CWC27: variants seen among roughly 807,000 people sequenced by gnomAD.
CWC27 encodes the protein CWC27 spliceosome associated cyclophilin.
CWC27 carries 47 observed loss-of-function variants against 63.6 expected under a neutral mutation model. The observed-to-expected ratio is 0.74, with a 90% confidence interval of 0.58 to 0.94. The LOEUF is 0.94. Ranked by LOEUF, CWC27 falls within the 40% of genes least tolerant of loss-of-function variation. The probability of loss-of-function intolerance (pLI) is 0.00; values close to 1 mark genes in which losing one functional copy is unlikely to be tolerated. For synonymous variants in CWC27, 175 were observed against 179.8 expected, an observed-to-expected ratio of 0.97 and a Z score of 0.22; for missense variants, 495 against 554.3, an observed-to-expected ratio of 0.89 and a Z score of 1.07.
intron 11 of CWC27, among the ~76,000 whole-genome samples, chr5:64,970,966 T>G (rs1261613780): frequency 7.6e-6 from 1 of 131,390 alleles, no homozygotes; most frequent in Non-Finnish European, 1.7e-5. Flanking sequence ...GGAGTGTGTG[T>G]GTGTGTGTGT....
chr5:64,985,134 G>C (rs1749402236), intron 13 of CWC27, among the ~76,000 whole-genome samples: 1 of 152,088 alleles, frequency 6.6e-6, no homozygotes, highest in African/African-American at 2.4e-5. Flanking sequence ...GCATCAATCT[G>C]TGTCTTTATC....
At chr5:64,950,034 C>CA (rs1294157493) in intron 11 of CWC27, among the ~76,000 whole-genome samples, 1 of 151,720 alleles carries the variant, frequency 6.6e-6, no homozygotes, top group Non-Finnish European at 1.5e-5. Context: ...AAGACAATAC[C>CA]AAAAAATATA....
chr5:64,877,970 T>A (rs778859148), intron 10 of CWC27, among the ~76,000 whole-genome samples: 14 of 151,946 alleles, frequency 9.2e-5, no homozygotes, highest in Non-Finnish European at 1.6e-4. Context: ...AGGAAATAAT[T>A]TTAATTCAAA....
intron 10 of CWC27, among the ~76,000 whole-genome samples, chr5:64,864,942 T>C (rs1324529559): frequency 1.3e-5 from 2 of 152,118 alleles, no homozygotes; most frequent in Non-Finnish European, 2.9e-5. Context: ...CAATGCATTA[T>C]TATTAACCAT....
intron 10 of CWC27, among the ~76,000 whole-genome samples, chr5:64,880,159 A>G (rs1265892541): frequency 6.6e-6 from 1 of 151,948 alleles, no homozygotes; most frequent in Non-Finnish European, 1.5e-5. Flanking sequence ...GAATTTCAAA[A>G]TGCTTCAATC....
chr5:64,941,487 CAT>C (rs1286888983), intron 11 of CWC27, among the ~76,000 whole-genome samples: 4 of 151,882 alleles, frequency 2.6e-5, no homozygotes, highest in African/African-American at 4.8e-5. Flanking sequence ...ATTACAGAAA[CAT>C]ATTTATTACA....
chr5:65,012,328 C>A (rs1229262497), intron 13 of CWC27, among the ~76,000 whole-genome samples: 1 of 152,136 alleles, frequency 6.6e-6, no homozygotes, highest in Non-Finnish European at 1.5e-5. Context: ...GCCTATGAAA[C>A]AGGGGTGATA....
At position 64,814,705 on chromosome 5, in the gene CWC27, C is replaced by T. The variant is rs912909921; in HGVS notation, c.938+10319C>T. ...TGGCCAGAGCCAAGTCATGTGTGTC[C>T]AGCTAAAGAAAGACTGACATGAAAT... On this transcript the variant is annotated intron_variant, in intron 10 of 13. Coordinates refer to ENST00000381070, the MANE Select transcript of CWC27 (RefSeq NM_005869.4). Among the ~76,000 whole-genome samples, 8 of 152,090 alleles carry T rather than the reference C, an allele frequency of 5.3e-5. No homozygotes were observed. In the East Asian group the frequency reaches 1.5e-3, roughly 29 times the overall value.
At chr5:64,798,424 G>A (rs141148525) in intron 7 of CWC27, among the ~76,000 whole-genome samples, 14 of 152,066 alleles carry the variant, frequency 9.2e-5, no homozygotes, top group East Asian at 1.9e-4. Context: ...ATTTTCCCCC[G>A]TTTTTCATAG....
chr5:64,921,513 T>C (rs372732708), intron 11 of CWC27, among the ~76,000 whole-genome samples: 2 of 152,290 alleles, frequency 1.3e-5, no homozygotes, highest in South Asian at 2.1e-4. Context: ...TCCATTTGCC[T>C]GGTAGATCCT....
Position 64,969,400 on chromosome 5 carries a change from C to T in CWC27, c.1043-2303C>T, listed in dbSNP as rs370217188. Reference sequence around the variant, plus strand: ...CCTTAGAATTTTACAAACTTCTGCCCTAGGAAATGGCAGAAAATAATTATT... The same window carrying T: ...CCTTAGAATTTTACAAACTTCTGCCTTAGGAAATGGCAGAAAATAATTATT... On this transcript the variant is annotated intron_variant, in intron 11 of 13. Transcript: ENST00000381070. Among the ~76,000 whole-genome samples, 6 of 152,058 alleles carry T rather than the reference C, an allele frequency of 3.9e-5. No homozygotes were observed. The East Asian group carries it at 7.7e-4, about 20-fold the overall frequency.
intron 11 of CWC27, among the ~76,000 whole-genome samples, chr5:64,904,664 A>G (rs1747584931): frequency 6.6e-6 from 1 of 152,248 alleles, no homozygotes; most frequent in African/African-American, 2.4e-5. Flanking sequence ...ATTCAAGGGA[A>G]GGAGAGTTAG....
At position 64,781,915 on chromosome 5, in the gene CWC27, T is replaced by C; in HGVS notation, c.140-6T>C. ...CATTGATAAATTATTTTTATTTTTT[T>C]TTCAGCTTATTATGACAATACCATT... On this transcript the variant is annotated splice_polypyrimidine_tract_variant and splice_region_variant and intron_variant, in intron 2 of 13. Transcript: ENST00000381070. 1.4e-6 allele frequency: 2 copies of C among 1,452,558 alleles called. No individual in the cohort carries two copies. Among genetic ancestry groups the C allele is most frequent in the Non-Finnish European group, 1.9e-6 (2 of 1,047,958 alleles). The allele number at this position is 1,452,558 out of a possible 1,614,324, so 90.0% of individuals were successfully genotyped here.
chr5:64,787,506 G>C (rs1475057991), intron 6 of CWC27, among the ~76,000 whole-genome samples: 1 of 151,692 alleles, frequency 6.6e-6, no homozygotes, highest in Non-Finnish European at 1.5e-5. Context: ...ATTGCATTAT[G>C]CAATTTAACT....
At chr5:64,956,660 G>C (rs576914288) in intron 11 of CWC27, among the ~76,000 whole-genome samples, 9 of 152,134 alleles carry the variant, frequency 5.9e-5, no homozygotes, top group African/African-American at 2.2e-4. Flanking sequence ...TCCTAACCTG[G>C]AAAACTGTCA....
At chr5:64,962,124 C>T (rs1459457885) in intron 11 of CWC27, among the ~76,000 whole-genome samples, 1 of 152,152 alleles carries the variant, frequency 6.6e-6, no homozygotes, top group Non-Finnish European at 1.5e-5. Context: ...CATCTAGTCA[C>T]TTATTGAATT....
chr5:64,818,150 G>A (rs970778192), intron 10 of CWC27, among the ~76,000 whole-genome samples: 29 of 151,996 alleles, frequency 1.9e-4, no homozygotes, highest in African/African-American at 6.8e-4. Flanking sequence ...TTTTCTTAAG[G>A]TCAAAGGCAG....
chr5:64,956,614 A>G (rs1345460502), intron 11 of CWC27, among the ~76,000 whole-genome samples: 1 of 152,154 alleles, frequency 6.6e-6, no homozygotes, highest in African/African-American at 2.4e-5. Flanking sequence ...CTACACAGTA[A>G]TAGTGTATGT....
At chr5:64,834,166 G>GA (rs76979744) in intron 10 of CWC27, among the ~76,000 whole-genome samples, 52,626 of 148,794 alleles carry the variant, frequency 0.35, 9,685 homozygotes, top group East Asian at 0.51. Context: ...ACCAAATTAA[G>GA]AAAAAAAACT....
Sources: gnomAD v4.1 joint callset for allele counts (sites outside exome capture counted in the v4.1 genomes callset) on GRCh38, gnomAD v4.1.1 for gene constraint, MANE v1.5 for transcripts, NCBI Gene and HGNC (gene_info 2026-07-23, HGNC 2026-07-21) for gene names.